The following DNAH1 variants were observed in gnomAD, a reference collection of about 807,000 sequenced individuals.
DNAH1 encodes dynein axonemal heavy chain 1.
In DNAH1, 327 loss-of-function variants were observed where a neutral mutation model predicts 484.3. The observed-to-expected ratio is 0.68, with a 90% CI of 0.62 to 0.74. The LOEUF (loss-of-function observed/expected upper bound fraction) is 0.74. Among genes scored for constraint, DNAH1 ranks in the 30% least tolerant of loss-of-function variants. The pLI is 0.00. For synonymous variants in DNAH1, 2,192 were observed against 2,191.9 expected (o/e 1.00, Z 0.00); for missense variants, 5,052 against 5,546.8 (o/e 0.91, Z 2.83).
chr3:52,359,984 A>C lies in DNAH1; in HGVS notation c.4476A>C (p.Leu1492=), dbSNP rs372305311. 2 of 1,613,804 alleles carry C rather than the reference A, an allele frequency of 1.2e-6. No homozygotes were observed. Among genetic ancestry groups the C allele is most frequent in the African/African-American group, 2.7e-5 (2 of 74,942 alleles). The change falls in exon 27 of 78, where the codon CTA becomes CTC. Residue 1492 remains leucine (L), a synonymous_variant. Coordinates refer to ENST00000420323, the MANE Select transcript of DNAH1 (RefSeq NM_015512.5). ...TGCAGCGGGCAGTGCTGTCAGCGCT[A>C]ATCGTCATTGAGGTCCATGCCAAGG... The part of the protein sequence containing the change: ...SRMQRAVLSA[L]IVIEVHAKDV...
In DNAH1 at chr3:52,374,166, A is replaced by G. The variant is rs971059279; in HGVS notation, c.6986-1074A>G. On this transcript the variant is annotated intron_variant, in intron 44 of 77. Transcript: ENST00000420323. ...GGCTTGAGAGCTTACATCAGAAAACAGATAAATAATATATTTTATAGGTTT... is the reference window on the plus strand; with the variant it reads ...GGCTTGAGAGCTTACATCAGAAAACGGATAAATAATATATTTTATAGGTTT... The G allele has an allele frequency of 1.0e-5, 13 of 1,274,012 alleles. No individual in the cohort carries two copies. In the African/African-American group the frequency reaches 1.3e-4, roughly 13 times the overall value. The allele number at this position is 1,274,012 out of a possible 1,614,324, so 78.9% of individuals were successfully genotyped here.
At position 52,361,333 on chromosome 3, in the gene DNAH1, T is replaced by C; in HGVS notation, c.4855T>C (p.Phe1619Leu). The change falls in exon 29 of 78, where the codon TTC (phenylalanine) becomes CTC (leucine). Residue 1619 changes from phenylalanine to leucine, a missense_variant. Phe to Leu is a conservative substitution (Grantham distance 22). Coordinates refer to ENST00000420323, the MANE Select transcript of DNAH1 (RefSeq NM_015512.5). This position sits in a 1 kb window ranked among gnomAD's most constrained non-coding sequence, Gnocchi z 5.6. ...GCTCGACTTCATGGCCATGGGCAAG[T>C]TCTTCAAGGGCCTGGCCAGGTGAGG... ...DQLDFMAMGK[F>L]FKGLASAGAW... 6.3e-7 allele frequency: 1 copy of C among 1,594,462 alleles called. No homozygotes were observed.
rs769974370 is a variant in DNAH1, at chr3:52,388,502, G to T, written c.9256G>T (p.Asp3086Tyr). The T allele has an allele frequency of 1.9e-6, 3 of 1,612,642 alleles. No individual in the cohort carries two copies. Among genetic ancestry groups the T allele is most frequent in the Non-Finnish European group, 2.5e-6 (3 of 1,179,420 alleles). Residue 3086 changes from aspartate to tyrosine, a missense_variant, in exon 58 of 78, where the codon GAC becomes TAC. Transcript: ENST00000420323. ...AAAACAGCGCCTTCGTGAGGTGGAG[G>T]ACGGCATCGCCACAATGCAGGCTAA... is the stretch of plus-strand genomic sequence containing the variant. ...EAKQRLREVEDGIATMQAKYR... is the reference protein window; with the variant it reads ...EAKQRLREVEYGIATMQAKYR...
intron 46 of DNAH1, among the ~76,000 whole-genome samples, chr3:52,376,349 G>A (rs769070577): frequency 2.6e-5 from 4 of 152,170 alleles, no homozygotes; most frequent in Non-Finnish European, 2.9e-5. Context: ...TGGTTTGTGC[G>A]GGGCAGGCAT....
chr3:52,397,934 T>C (rs1229116499), intron 74 of DNAH1, 57 bp downstream of exon 74: 97 of 1,575,594 alleles, frequency 6.2e-5, no homozygotes, highest in Admixed American at 1.7e-5. Context: ...TTCACCATCC[T>C]GCCCACTCCC....
In DNAH1 at chr3:52,389,538, C is replaced by G; in HGVS notation, c.9573C>G (p.Pro3191=). The change falls in exon 60 of 78, where the codon CCC becomes CCG. Residue 3191 remains proline, a synonymous_variant. Coordinates refer to ENST00000420323, the MANE Select transcript of DNAH1 (RefSeq NM_015512.5). The stretch of plus-strand genomic sequence containing the variant: ...ACAATGTCCCACACACCTCCGAGCC[C>G]ACGCTAATCGGGACGCTGGGGAACC... ...RSHNVPHTSE[P]TLIGTLGNPV... 6.4e-7 allele frequency: 1 copy of G among 1,569,738 alleles called. No homozygotes were observed. Among genetic ancestry groups the G allele is most frequent in the Non-Finnish European group, 8.6e-7 (1 of 1,159,416 alleles).
intron 7 of DNAH1, 128 bp downstream of exon 7, chr3:52,331,437 C>T: frequency 8.8e-7 from 1 of 1,133,102 alleles, no homozygotes; most frequent in Non-Finnish European, 1.2e-6. Flanking sequence ...TGCCCAATGC[C>T]CTGACCGGTG....
In DNAH1 at chr3:52,358,870, G is replaced by A; in HGVS notation, c.4266+133G>A. ...CCCTGGGGGCTCAGGCGGGATTCTG[G>A]AGTCTTTCCTTTCCACACACACTCC... On this transcript the variant is annotated intron_variant, in intron 25 of 77. Transcript: ENST00000420323. The surrounding 1 kb of genome is among the most constrained non-coding windows in gnomAD (Gnocchi z 4.2). The A allele has an allele frequency of 9.5e-7, 1 of 1,056,984 alleles. No individual in the cohort carries two copies. The highest frequency in any genetic ancestry group is 1.4e-6 in the Non-Finnish European group (1 of 734,874). 65.5% of individuals were successfully genotyped at this position (1,056,984 alleles called of 1,614,324 possible). A position where few individuals can be genotyped will look rare whatever the true frequency, so the allele number is the denominator to read the frequency against.
intron 21 of DNAH1, among the ~76,000 whole-genome samples, chr3:52,356,134 G>A (rs906031256): frequency 4.6e-5 from 7 of 152,202 alleles, no homozygotes; most frequent in Non-Finnish European, 1.0e-4. Flanking sequence ...GGCAGAAGGG[G>A]GAAATGGCTC....
chr3:52,367,075 C>A (rs186070065), intron 36 of DNAH1, among the ~76,000 whole-genome samples, 188 bp downstream of exon 36: 1 of 152,214 alleles, frequency 6.6e-6, no homozygotes, highest in Non-Finnish European at 1.5e-5. Context: ...ATGGTTCCCT[C>A]GTCTGCAAAG....
chr3:52,337,314 C>G (rs1446957254), intron 8 of DNAH1, among the ~76,000 whole-genome samples: 1 of 152,150 alleles, frequency 6.6e-6, no homozygotes, highest in African/African-American at 2.4e-5. Context: ...TTATCAGTTC[C>G]AGGCCTTTTG....
At chr3:52,352,310 G>A (rs1288870067) in intron 17 of DNAH1, among the ~76,000 whole-genome samples, 1 of 152,224 alleles carries the variant, frequency 6.6e-6, no homozygotes, top group Non-Finnish European at 1.5e-5. Context: ...AAGATTCGGA[G>A]TAGTAAAGTC....
intron 17 of DNAH1, 55 bp from the exon 18 acceptor site, chr3:52,352,497 C>A: frequency 6.3e-7 from 1 of 1,576,784 alleles, no homozygotes; most frequent in Non-Finnish European, 8.6e-7. Flanking sequence ...CATGGGAAGG[C>A]CTGGACACAA....
At chr3:52,330,484 G>A (rs1313369144) in intron 6 of DNAH1, among the ~76,000 whole-genome samples, 1 of 152,246 alleles carries the variant, frequency 6.6e-6, no homozygotes, top group Non-Finnish European at 1.5e-5. Context: ...CAAGCCGAGG[G>A]CACAGGCAGT....
chr3:52,364,469 G>A lies in DNAH1; in HGVS notation c.5245-169G>A, dbSNP rs554633094. ...CAGGGTGCCCGGGGAGCCCAAAGAA[G>A]GTGCACCTGCCCAGGCTGGGCATGT... On this transcript the variant is annotated intron_variant, in intron 32 of 77. Transcript: ENST00000420323. This position sits in a 1 kb window ranked among gnomAD's most constrained non-coding sequence, Gnocchi z 4.2. Among the ~76,000 whole-genome samples, 300 of 152,330 alleles carry A rather than the reference G, an allele frequency of 2.0e-3. 6 individuals carry two copies. Among genetic ancestry groups the A allele is most frequent in the East Asian group, 2.9e-3 (15 of 5,188 alleles).
chr3:52,373,141 T>C, intron 44 of DNAH1, 88 bp downstream of exon 44: 2 of 1,412,454 alleles, frequency 1.4e-6, no homozygotes, highest in Non-Finnish European at 1.8e-6. Flanking sequence ...CCTACAATAC[T>C]TTAAGGCACC....
At chr3:52,335,098 A>T (rs1278720817) in intron 8 of DNAH1, among the ~76,000 whole-genome samples, 8 of 148,424 alleles carry the variant, frequency 5.4e-5, no homozygotes, top group African/African-American at 7.5e-5. Flanking sequence ...TAAGCTTTTT[A>T]AAAAAATGTG....
chr3:52,353,409 G>A lies in DNAH1; in HGVS notation c.3256G>A (p.Ala1086Thr). ...CCAGGAAGTGGCCTTGGACATCCGG[G>A]CCCGCATCGAGGAGTTCAAACCATA... The part of the protein sequence containing the change: ...ACQEVALDIR[A>T]RIEEFKPYIP... Residue 1086 changes from alanine to threonine, a missense_variant, in exon 20 of 78, where the codon GCC becomes ACC. By Grantham distance (58) the Ala-to-Thr change is moderately conservative. Around this residue, in one of 4 missense-constraint regions of DNAH1, gnomAD observed 2,929 missense variants for 3,409.4 expected, o/e 0.86. Coordinates refer to ENST00000420323, the MANE Select transcript of DNAH1 (RefSeq NM_015512.5). The surrounding 1 kb of genome is among the most constrained non-coding windows in gnomAD (Gnocchi z 5.0). The A allele has an allele frequency of 6.2e-7, 1 of 1,613,228 alleles. No homozygotes were observed. Among genetic ancestry groups the A allele is most frequent in the Non-Finnish European group, 8.5e-7 (1 of 1,179,426 alleles).
intron 11 of DNAH1, 35 bp downstream of exon 11, chr3:52,346,805 C>G: frequency 6.4e-7 from 1 of 1,573,526 alleles, no homozygotes; most frequent in Non-Finnish European, 8.7e-7. Context: ...CCTGTTGACA[C>G]CAGGTGATGT....
Sources: allele counts gnomAD v4.1 joint callset (sites outside exome capture counted in the v4.1 genomes callset), GRCh38; gene constraint gnomAD v4.1.1; regional missense constraint gnomAD v4.1.1; non-coding constraint Gnocchi (gnomAD v3.1); transcripts MANE v1.5; gene names NCBI Gene and HGNC (gene_info 2026-07-23, HGNC 2026-07-21).